Variants in CNTN1 observed in about 807,000 individuals in gnomAD.
The protein encoded by CNTN1 is contactin-1.
CNTN1 carries 38 observed loss-of-function variants against 126.4 expected under a neutral mutation model. The ratio of observed to expected loss-of-function variants is 0.30; its 90% CI spans 0.23 to 0.39. CNTN1 has a LOEUF of 0.39. Among genes scored for constraint, CNTN1 ranks in the 10% least tolerant of loss-of-function variants. The pLI is 1.00. For missense variants in CNTN1, 1,009 were observed against 1,248.4 expected (o/e 0.81, Z 2.89); for synonymous variants, 413 against 422.6 (o/e 0.98, Z 0.28).
chr12:41,004,075 A>AT (rs1948433223), intron 17 of CNTN1, among the ~76,000 whole-genome samples: 2 of 152,074 alleles, frequency 1.3e-5, no homozygotes, highest in African/African-American at 2.4e-5. Flanking sequence ...TTGATTGGGC[A>AT]TTTAGTGCTA....
chr12:40,847,604 C>A (rs1942559517), intron 1 of CNTN1, among the ~76,000 whole-genome samples: 1 of 152,142 alleles, frequency 6.6e-6, no homozygotes, highest in Non-Finnish European at 1.5e-5. Flanking sequence ...AAACTGTAAA[C>A]TGAAATTTTA....
rs541765634 is a variant in CNTN1 at position 40,971,241 on chromosome 12, T to C, written c.1805-9668T>C. Among the ~76,000 whole-genome samples, 10 of 152,304 alleles carry C rather than the reference T, an allele frequency of 6.6e-5. No homozygotes were observed. In the South Asian group the frequency reaches 1.9e-3, roughly 28 times the overall value. ...ACTGTGTATGAGGGAAAGGTTTTAATTGGGCCACAGCTTGTGGCATCGGTC... is the reference window on the plus strand; with the variant it reads ...ACTGTGTATGAGGGAAAGGTTTTAACTGGGCCACAGCTTGTGGCATCGGTC... On this transcript the variant is annotated intron_variant, in intron 15 of 23. Transcript: ENST00000551295.
At chr12:40,944,345 T>A (rs376003246) in intron 14 of CNTN1, among the ~76,000 whole-genome samples, 175 bp downstream of exon 14, 122 of 152,192 alleles carry the variant, frequency 8.0e-4, no homozygotes, top group African/African-American at 2.9e-3. Context: ...GCTAAATCTT[T>A]CTAAAATGGC....
At chr12:40,935,212 A>G (rs1196781647) in intron 9 of CNTN1, among the ~76,000 whole-genome samples, 1 of 152,104 alleles carries the variant, frequency 6.6e-6, no homozygotes, top group Non-Finnish European at 1.5e-5. Flanking sequence ...TCTGCATGAA[A>G]TGGCCTCCTA....
At chr12:40,777,831 G>A (rs986323758) in intron 1 of CNTN1, among the ~76,000 whole-genome samples, 1 of 151,640 alleles carries the variant, frequency 6.6e-6, no homozygotes, top group Non-Finnish European at 1.5e-5. Flanking sequence ...ATCACCTATG[G>A]CATGATTAAT....
chr12:40,801,010 G>GTTTTTTTTTT (rs35813803), intron 1 of CNTN1, among the ~76,000 whole-genome samples: 2 of 142,726 alleles, frequency 1.4e-5, no homozygotes, highest in African/African-American at 2.6e-5. Flanking sequence ...TCAAACTAGA[G>GTTTTTTTTTT]TTTTGTTTTT....
At chr12:40,831,592 TG>T (rs1592135868) in intron 1 of CNTN1, among the ~76,000 whole-genome samples, 1 of 152,168 alleles carries the variant, frequency 6.6e-6, no homozygotes, top group East Asian at 1.9e-4. Context: ...CTTTCAGATA[TG>T]CTCTTAAGGG....
At chr12:41,047,588 C>T (rs1405257411) in intron 23 of CNTN1, among the ~76,000 whole-genome samples, 2 of 151,958 alleles carry the variant, frequency 1.3e-5, no homozygotes, top group African/African-American at 4.8e-5. Context: ...CACCCATTTC[C>T]CCTTCTTGTC....
intron 14 of CNTN1, among the ~76,000 whole-genome samples, chr12:40,946,408 T>G (rs1946435896): frequency 6.6e-6 from 1 of 152,120 alleles, no homozygotes; most frequent in Non-Finnish European, 1.5e-5. Flanking sequence ...TCTCCCAATA[T>G]TTCAACAATT....
chr12:40,774,268 C>T (rs771897804), intron 1 of CNTN1, among the ~76,000 whole-genome samples: 14 of 151,494 alleles, frequency 9.2e-5, no homozygotes, highest in Admixed American at 9.2e-4. Flanking sequence ...GAAGGAGCCT[C>T]ATATTTGAAA....
rs531030800 is a variant in CNTN1, at chr12:41,008,003, T to G, written c.2114-6225T>G. ...GTTACTTTCTGCCTAAGTGATTTCTTAACTTCTATATCGTTCCCCCCTCTG... is the reference window on the plus strand; with the variant it reads ...GTTACTTTCTGCCTAAGTGATTTCTGAACTTCTATATCGTTCCCCCCTCTG... On this transcript the variant is annotated intron_variant, in intron 17 of 23. Transcript: ENST00000551295. Among the ~76,000 whole-genome samples, 130 of 152,336 alleles carry G rather than the reference T, an allele frequency of 8.5e-4. 1 individual carries two copies. The highest frequency in any genetic ancestry group is 8.8e-5 in the Non-Finnish European group (6 of 68,028).
chr12:40,872,225 T>A (rs1421393638), intron 1 of CNTN1, among the ~76,000 whole-genome samples: 2 of 133,230 alleles, frequency 1.5e-5, no homozygotes, highest in Non-Finnish European at 3.1e-5. Context: ...TGTGTGTGTG[T>A]GTGTGTGTGT....
intron 1 of CNTN1, among the ~76,000 whole-genome samples, chr12:40,751,692 G>A (rs1321357972): frequency 6.6e-6 from 1 of 152,030 alleles, no homozygotes; most frequent in Non-Finnish European, 1.5e-5. Context: ...CAATATACTA[G>A]GGTGTCAGAA....
chr12:40,977,773 TTTGTTTTG>T (rs1566078896), intron 15 of CNTN1, among the ~76,000 whole-genome samples: 8 of 12,802 alleles, frequency 6.2e-4, no homozygotes, highest in South Asian at 1.5e-3. Flanking sequence ...TCTGTTTTGT[TTTGTTTTG>T]TTTTGTTTTG....
chr12:40,765,200 C>T (rs1048540155), intron 1 of CNTN1, among the ~76,000 whole-genome samples: 6 of 152,016 alleles, frequency 3.9e-5, no homozygotes, highest in Non-Finnish European at 5.9e-5. Flanking sequence ...ACTCTAGATC[C>T]TTGCTTTGTG....
chr12:40,782,966 G>A (rs1235871908), intron 1 of CNTN1, among the ~76,000 whole-genome samples: 1 of 151,966 alleles, frequency 6.6e-6, no homozygotes, highest in Non-Finnish European at 1.5e-5. Context: ...TGATAGATTA[G>A]ATGAAAGGAA....
At chr12:41,016,090 C>A (rs528336269) in intron 18 of CNTN1, among the ~76,000 whole-genome samples, 2 of 152,318 alleles carry the variant, frequency 1.3e-5, no homozygotes, top group East Asian at 3.9e-4. Flanking sequence ...CCTTTCAATT[C>A]TAATGAAATT....
intron 15 of CNTN1, among the ~76,000 whole-genome samples, chr12:40,969,591 C>CA (rs1472394196): frequency 1.3e-5 from 2 of 151,868 alleles, no homozygotes; most frequent in Admixed American, 1.3e-4. Flanking sequence ...GGCATAAATC[C>CA]AAAAAAACCT....
chr12:40,982,679 T>G (rs1266309395), intron 16 of CNTN1, among the ~76,000 whole-genome samples: 1 of 151,974 alleles, frequency 6.6e-6, no homozygotes, highest in Admixed American at 6.6e-5. Context: ...TATGTATAGG[T>G]GAGTAGCAGT....
Sources: allele counts gnomAD v4.1 joint callset (sites outside exome capture counted in the v4.1 genomes callset), GRCh38; gene constraint gnomAD v4.1.1; transcripts MANE v1.5; gene names NCBI Gene and HGNC (gene_info 2026-07-23, HGNC 2026-07-21).